Variants in GALK2 observed in about 807,000 individuals in gnomAD.
GALK2 encodes N-acetylgalactosamine kinase.
In GALK2, 36 loss-of-function variants were observed where a neutral mutation model predicts 52.4. That is an observed-to-expected ratio of 0.69 (90% CI 0.53 to 0.91). GALK2 has a LOEUF of 0.91. Among genes scored for constraint, GALK2 ranks in the 40% least tolerant of loss-of-function variants. The pLI, the probability that GALK2 is intolerant of heterozygous loss-of-function variation, is 0.00. For synonymous variants in GALK2, 176 were observed against 199.1 expected (o/e 0.88, Z 0.98); for missense variants, 579 against 559.1 (o/e 1.04, Z -0.36).
intron 5 of GALK2, among the ~76,000 whole-genome samples, chr15:49,240,918 T>A (rs1275610523): frequency 1.3e-5 from 2 of 152,194 alleles, no homozygotes; most frequent in Non-Finnish European, 2.9e-5. Flanking sequence ...AGTCTGCATT[T>A]CAGGGTTTTA....
At chr15:49,183,716 G>T (rs1566913000) in intron 1 of GALK2, among the ~76,000 whole-genome samples, 1 of 152,128 alleles carries the variant, frequency 6.6e-6, no homozygotes, top group Non-Finnish European at 1.5e-5. Flanking sequence ...GGTGGCACAT[G>T]CCTGTAATCC....
intron 5 of GALK2, among the ~76,000 whole-genome samples, chr15:49,278,772 C>G (rs2032270010): frequency 6.6e-6 from 1 of 152,286 alleles, no homozygotes; most frequent in East Asian, 1.9e-4. Flanking sequence ...GCCACAGAGA[C>G]CTATTTTATA....
At chr15:49,228,650 G>C (rs1424125985) in intron 3 of GALK2, among the ~76,000 whole-genome samples, 6 of 64,648 alleles carry the variant, frequency 9.3e-5, no homozygotes, top group Non-Finnish European at 1.8e-4. Flanking sequence ...GTGTTCTCTT[G>C]TCTTTCACTG....
At chr15:49,224,731 T>C (rs1263867845) in intron 3 of GALK2, among the ~76,000 whole-genome samples, 2 of 152,248 alleles carry the variant, frequency 1.3e-5, no homozygotes, top group Admixed American at 1.3e-4. Flanking sequence ...TTTTGGTTAC[T>C]ATAGCCTTGT....
At chr15:49,227,809 A>G (rs2141435802) in intron 3 of GALK2, among the ~76,000 whole-genome samples, 1 of 152,060 alleles carries the variant, frequency 6.6e-6, no homozygotes, top group South Asian at 2.1e-4. Context: ...TTGCTCTACC[A>G]GTGGGCTTTA....
chr15:49,159,554 C>A (rs909610596), intron 1 of GALK2, among the ~76,000 whole-genome samples: 1 of 144,334 alleles, frequency 6.9e-6, no homozygotes, highest in African/African-American at 2.6e-5. Flanking sequence ...CCAGCCTGGG[C>A]GACAGAACAA....
At chr15:49,244,860 C>CA (rs2091270981) in intron 5 of GALK2, among the ~76,000 whole-genome samples, 1 of 151,518 alleles carries the variant, frequency 6.6e-6, no homozygotes, top group Non-Finnish European at 1.5e-5. Context: ...AAAAAAAAGC[C>CA]AAAAAAACTG....
At chr15:49,182,400 G>A (rs1396199763) in intron 1 of GALK2, among the ~76,000 whole-genome samples, 1 of 152,086 alleles carries the variant, frequency 6.6e-6, no homozygotes, top group Non-Finnish European at 1.5e-5. Context: ...ATCTGTTGCT[G>A]GACACTTAGG....
At chr15:49,210,190 G>GT (rs149224798) in intron 2 of GALK2, among the ~76,000 whole-genome samples, 35 of 151,174 alleles carry the variant, frequency 2.3e-4, no homozygotes, top group Admixed American at 5.9e-4. Context: ...CTCCTTTTCT[G>GT]TTTTTTTTAA....
rs1198597676 is a variant in GALK2 at position 49,217,195 on chromosome 15, C to T, written c.148C>T (p.His50Tyr). 6.2e-7 allele frequency: 1 copy of T among 1,608,396 alleles called. No individual in the cohort carries two copies. The highest frequency in any genetic ancestry group is 8.5e-7 in the Non-Finnish European group (1 of 1,175,664). The change falls in exon 3 of 10, where the codon CAT becomes TAT. Residue 50 changes from histidine to tyrosine, a missense_variant. Coordinates refer to ENST00000560031, the MANE Select transcript of GALK2 (RefSeq NM_002044.4). ...APGRVNIIGE[H>Y]IDYCGYSVLP... ...AAGCTTTCTCTTTTTTCTAGGAGAG[C>T]ATATAGATTATTGTGGATATTCTGT...
At chr15:49,351,135 T>C (rs1208178479) in intron 3 of GALK2, among the ~76,000 whole-genome samples, 1 of 139,294 alleles carries the variant, frequency 7.2e-6, no homozygotes, top group East Asian at 2.2e-4. Flanking sequence ...TTTGTTAGCC[T>C]TGTTTGCACT....
At chr15:49,355,275 G>T (rs192357043) in intron 3 of GALK2, among the ~76,000 whole-genome samples, 1 of 152,186 alleles carries the variant, frequency 6.6e-6, no homozygotes, top group Non-Finnish European at 1.5e-5. Flanking sequence ...GAAGGCTTCA[G>T]ACTATCAAAT....
intron 8 of GALK2, among the ~76,000 whole-genome samples, chr15:49,306,035 C>T (rs1171065252): frequency 6.6e-6 from 1 of 152,186 alleles, no homozygotes; most frequent in African/African-American, 2.4e-5. Flanking sequence ...TAATGCTGCA[C>T]TGCATTTTGG....
At chr15:49,155,856 A>G in exon 1 of GALK2, 1 of 950,206 alleles carries the variant, frequency 1.1e-6, no homozygotes, top group Non-Finnish European at 1.6e-6. Flanking sequence ...GGCGTCGGAA[A>G]CTGCGCTCGC....
chr15:49,170,111 GCTTGGAGGGAACC>G (rs2084962767), upstream of GALK2: 1 of 1,183,698 alleles, frequency 8.4e-7, no homozygotes, highest in Non-Finnish European at 1.1e-6. Context: ...CCTGACTGCT[GCTTGGAGGGAACC>G]CTGGCTGAGT....
chr15:49,239,466 T>C (rs2090989411), intron 5 of GALK2, 99 bp downstream of exon 5: 2 of 1,172,028 alleles, frequency 1.7e-6, no homozygotes, highest in Non-Finnish European at 2.5e-6. Context: ...AAAAACTGTC[T>C]TCTCTAAAAG....
chr15:49,280,673 G>A (rs183754643), intron 5 of GALK2, among the ~76,000 whole-genome samples: 5 of 151,972 alleles, frequency 3.3e-5, no homozygotes, highest in Non-Finnish European at 5.9e-5. Context: ...CAGAAATAAG[G>A]GCCCGAATAA....
At chr15:49,157,188 C>A (rs1199386066) in intron 1 of GALK2, among the ~76,000 whole-genome samples, 1 of 152,128 alleles carries the variant, frequency 6.6e-6, no homozygotes, top group African/African-American at 2.4e-5. Context: ...TGTCCTGAAT[C>A]CCTCATTTAA....
intron 1 of GALK2, among the ~76,000 whole-genome samples, chr15:49,189,190 A>G (rs995370550): frequency 6.6e-6 from 1 of 152,242 alleles, no homozygotes; most frequent in African/African-American, 2.4e-5. Flanking sequence ...AACTCAGCCC[A>G]AAACAATGGT....
Sources: gnomAD v4.1 joint callset for allele counts (sites outside exome capture counted in the v4.1 genomes callset) on GRCh38, gnomAD v4.1.1 for gene constraint, MANE v1.5 for transcripts, NCBI Gene and HGNC (gene_info 2026-07-23, HGNC 2026-07-21) for gene names.